Variants in KIF5A observed in about 807,000 individuals in gnomAD.
KIF5A encodes the protein kinesin family member 5A, also known as kinesin heavy chain isoform 5A.
Under a neutral mutation model 141.3 loss-of-function variants are expected in KIF5A, and 35 were observed. The observed-to-expected ratio is 0.25, with a 90% CI of 0.19 to 0.33. The LOEUF (loss-of-function observed/expected upper bound fraction) is 0.33. Ranked by LOEUF, KIF5A falls within the 10% of genes least tolerant of loss-of-function variation. The pLI, the probability that KIF5A is intolerant of heterozygous loss-of-function variation, is 1.00. For missense variants in KIF5A, 861 were observed against 1,314.3 expected, an observed-to-expected ratio of 0.66 and a Z score of 5.33; for synonymous variants, 448 against 500.2, an observed-to-expected ratio of 0.90 and a Z score of 1.39.
chr12:57,575,585 C>G, intron 16 of KIF5A, 55 bp from the exon 17 acceptor site: 1 of 1,420,696 alleles, frequency 7.0e-7, no homozygotes, highest in Non-Finnish European at 1.0e-6. Context: ...TCTGTGTGGC[C>G]TGGGTTTGTG....
intron 23 of KIF5A, among the ~76,000 whole-genome samples, chr12:57,579,204 A>G (rs1048768282): frequency 6.6e-6 from 1 of 152,012 alleles, no homozygotes; most frequent in African/African-American, 2.4e-5. Context: ...CTGGGTTTCA[A>G]AGGTATGGGC....
In KIF5A at chr12:57,550,283, C is replaced by A; in HGVS notation, c.12C>A (p.Thr4=). 1 of 1,614,146 alleles carries A rather than the reference C, an allele frequency of 6.2e-7. No individual in the cohort carries two copies. The highest frequency in any genetic ancestry group is 8.5e-7 in the Non-Finnish European group (1 of 1,180,020). The change falls in exon 1 of 29, where the codon ACC becomes ACA. Residue 4 remains threonine (T), a synonymous_variant. Transcript: ENST00000455537. This position sits in a 1 kb window ranked among gnomAD's most constrained non-coding sequence, Gnocchi z 4.6. ...CGCCGGCTACCACCATGGCGGAGACCAACAACGAATGTAGCATCAAGGTGC... is the reference window on the plus strand; with the variant it reads ...CGCCGGCTACCACCATGGCGGAGACAAACAACGAATGTAGCATCAAGGTGC... MAE[T]NNECSIKVLC...
rs768405865 is a variant in KIF5A, at chr12:57,563,607, C to CT, written c.218-12dup. Reference sequence around the variant, plus strand: ...TATCTCCACCAGTACTCTTTCTCTACTGTCTCTTCCAGATGTCCTTGCTGG... The same window carrying CT: ...TATCTCCACCAGTACTCTTTCTCTACTTGTCTCTTCCAGATGTCCTTGCTGG... On this transcript the variant is annotated splice_polypyrimidine_tract_variant and intron_variant, in intron 2 of 28. Coordinates refer to ENST00000455537, the MANE Select transcript of KIF5A (RefSeq NM_004984.4). 6.2e-7 allele frequency: 1 copy of CT among 1,613,938 alleles called. No individual in the cohort carries two copies. The highest frequency in any genetic ancestry group is 8.5e-7 in the Non-Finnish European group (1 of 1,179,754).
At position 57,581,834 on chromosome 12, in the gene KIF5A, G is replaced by A. The variant is rs367997523; in HGVS notation, c.2910-36G>A. On this transcript the variant is annotated intron_variant, in intron 25 of 28. Transcript: ENST00000455537. The stretch of plus-strand genomic sequence containing the variant: ...TGGTCCTCAGACTAGTGGAGGGTGG[G>A]TGTCAGAGGCTGCCTCTTTCCTCTG... 1.1e-4 allele frequency: 171 copies of A among 1,568,368 alleles called. 2 individuals carry two copies. The East Asian group carries it at 3.5e-3, about 32-fold the overall frequency.
rs2140158822 is a variant in KIF5A at position 57,563,601 on chromosome 12, T to C, written c.218-19T>C. 6.2e-7 allele frequency: 1 copy of C among 1,613,724 alleles called. No individual in the cohort carries two copies. The highest frequency in any genetic ancestry group is 8.5e-7 in the Non-Finnish European group (1 of 1,179,588). ...CCGACCTATCTCCACCAGTACTCTTTCTCTACTGTCTCTTCCAGATGTCCT... is the reference window on the plus strand; with the variant it reads ...CCGACCTATCTCCACCAGTACTCTTCCTCTACTGTCTCTTCCAGATGTCCT... On this transcript the variant is annotated intron_variant, in intron 2 of 28. Transcript: ENST00000455537.
intron 1 of KIF5A, among the ~76,000 whole-genome samples, chr12:57,555,682 G>A (rs1000426355): frequency 7.9e-5 from 12 of 151,934 alleles, no homozygotes; most frequent in Admixed American, 4.6e-4. Flanking sequence ...AGACAGAGGC[G>A]GGTGGATAAC....
At position 57,582,170 on chromosome 12, in the gene KIF5A, G is replaced by C. The variant is rs10783834; in HGVS notation, c.2992+218G>C. 0.29 allele frequency among the ~76,000 whole-genome samples: 44,172 copies of C among 152,050 alleles called. 6,979 individuals are homozygous for C. Among genetic ancestry groups the C allele is most frequent in the East Asian group, 0.61 (3,153 of 5,168 alleles). ...GAGATAGGAGGATTGCTTGAGCTCA[G>C]GAGCTTAAGGCTGAAGTGCACTGTG... On this transcript the variant is annotated intron_variant, in intron 26 of 28. Coordinates refer to ENST00000455537, the MANE Select transcript of KIF5A (RefSeq NM_004984.4).
chr12:57,581,048 T>C lies in KIF5A; in HGVS notation c.2631T>C (p.Gly877=), dbSNP rs770594612. ...ATAERVKALE[G]ALKEAKEGAM... is the part of the protein sequence containing the mutation. ...CTGAGAGAGTTAAGGCCCTGGAGGG[T>C]GCACTGAAGGAGGCCAAGGAGGGCG... Residue 877 remains glycine (G), a synonymous_variant, in exon 24 of 29, where the codon GGT becomes GGC. Transcript: ENST00000455537. 14 of 1,613,720 alleles carry C rather than the reference T, an allele frequency of 8.7e-6. No individual in the cohort carries two copies. The highest frequency in any genetic ancestry group is 1.1e-5 in the Non-Finnish European group (13 of 1,179,974).
At position 57,572,634 on chromosome 12, in the gene KIF5A, C is replaced by A; in HGVS notation, c.1624C>A (p.His542Asn). The A allele has an allele frequency of 6.2e-7, 1 of 1,614,234 alleles. No homozygotes were observed. The highest frequency in any genetic ancestry group is 2.2e-5 in the East Asian group (1 of 44,888). ...GCAGCGGCTACAGGAGGTCAGTGGA[C>A]ACCAGCGAAAACGAATTGCTGAGGT... ...ELQRLQEVSG[H>N]QRKRIAEVLN... is the part of the protein sequence containing the mutation. The change falls in exon 15 of 29, where the codon CAC (histidine) becomes AAC (asparagine). Residue 542 changes from histidine to asparagine, a missense_variant. His to Asn is a moderately conservative substitution (Grantham distance 68). This residue lies in a region of KIF5A where 482 missense variants were observed against 661.3 expected (regional missense o/e 0.73). Coordinates refer to ENST00000455537, the MANE Select transcript of KIF5A (RefSeq NM_004984.4). The surrounding 1 kb of genome is among the most constrained non-coding windows in gnomAD (Gnocchi z 4.2).
At chr12:57,576,907 C>G (rs1882445277) in intron 20 of KIF5A, 45 bp downstream of exon 20, 2 of 1,423,714 alleles carry the variant, frequency 1.4e-6, no homozygotes, top group Non-Finnish European at 2.0e-6. Context: ...CTTGTAGGCT[C>G]AGAACTGTGA....
intron 24 of KIF5A, 102 bp downstream of exon 24, chr12:57,581,274 G>C (rs1312296234): frequency 6.7e-7 from 1 of 1,496,364 alleles, no homozygotes; most frequent in Non-Finnish European, 9.2e-7. Flanking sequence ...CCTACCCCTA[G>C]CCTCATCCCA....
intron 6 of KIF5A, 24 bp downstream of exon 6, chr12:57,564,997 A>T: frequency 6.2e-7 from 1 of 1,607,694 alleles, no homozygotes; most frequent in South Asian, 1.1e-5. Context: ...TGGGGCACCT[A>T]TGTGGGGCCA....
At position 57,572,464 on chromosome 12, in the gene KIF5A, C is replaced by A; in HGVS notation, c.1570-116C>A. The A allele has an allele frequency of 7.1e-7, 1 of 1,405,550 alleles. No individual in the cohort carries two copies. The allele number at this position is 1,405,550 out of a possible 1,614,324, so 87.1% of individuals were successfully genotyped here. ...CTGTCTTTCAGACTCTTCTGCAGGG[C>A]CTGTGTTCTCTTCATAGCAGCCCTC... On this transcript the variant is annotated intron_variant, in intron 14 of 28. Coordinates refer to ENST00000455537, the MANE Select transcript of KIF5A (RefSeq NM_004984.4). The surrounding 1 kb of genome is among the most constrained non-coding windows in gnomAD (Gnocchi z 4.2).
rs1882421501 is a variant in KIF5A, at chr12:57,576,275, C to G, written c.2095C>G (p.Leu699Val). Residue 699 changes from leucine (L) to valine (V), a missense_variant, in exon 19 of 29, where the codon CTG (leucine) becomes GTG (valine). Physicochemically the swap from Leu to Val is conservative, Grantham distance 32. This residue lies in a region of KIF5A where 482 missense variants were observed against 661.3 expected (regional missense o/e 0.73). Transcript: ENST00000455537. ...GGGGTGGGGTTGTTTGCAGAAGGCT[C>G]TGGAGCTGCAGATGGAGAGTCACCG... The part of the protein sequence containing the change: ...TQDADEVKKA[L>V]ELQMESHREA... 6.2e-7 allele frequency: 1 copy of G among 1,613,952 alleles called. No homozygotes were observed. The highest frequency in any genetic ancestry group is 1.7e-5 in the Admixed American group (1 of 60,004).
At chr12:57,569,470 C>G (rs528085501) in intron 10 of KIF5A, 65 bp from the exon 11 acceptor site, 3 of 1,613,520 alleles carry the variant, frequency 1.9e-6, no homozygotes, top group Non-Finnish European at 2.5e-6. Context: ...CTGCGGCTCT[C>G]TCTCCTCAGG....
chr12:57,550,069 C>T lies in KIF5A; in HGVS notation c.-203C>T, dbSNP rs933328210. On this transcript the variant is annotated 5_prime_UTR_variant, in exon 1 of 29. Coordinates refer to ENST00000455537, the MANE Select transcript of KIF5A (RefSeq NM_004984.4). This position sits in a 1 kb window ranked among gnomAD's most constrained non-coding sequence, Gnocchi z 4.6. ...AGAGAGCCCGAAAGGACCAGACGCC[C>T]AGGTCGCCCGCATCCCGCTGCCGCA... The T allele has an allele frequency of 8.0e-6, 5 of 622,214 alleles. No individual in the cohort carries two copies. The highest frequency in any genetic ancestry group is 2.9e-5 in the East Asian group (1 of 34,940). The allele number at this position is 622,214 out of a possible 1,614,324, so 38.5% of individuals were successfully genotyped here. A position where few individuals can be genotyped will look rare whatever the true frequency, so the allele number is the denominator to read the frequency against.
intron 26 of KIF5A, 64 bp downstream of exon 26, chr12:57,582,016 G>T (rs774810926): frequency 7.6e-7 from 1 of 1,313,442 alleles, no homozygotes; most frequent in Non-Finnish European, 1.1e-6. Flanking sequence ...AGGCATAAAA[G>T]TAAGTGACCT....
intron 2 of KIF5A, 40 bp from the exon 3 acceptor site, chr12:57,563,580 C>A: frequency 6.2e-7 from 1 of 1,609,168 alleles, no homozygotes. Flanking sequence ...TCCTACCCGA[C>A]CTATCTCCAC....
chr12:57,562,565 C>T (rs532574689), intron 1 of KIF5A, among the ~76,000 whole-genome samples: 1 of 152,318 alleles, frequency 6.6e-6, no homozygotes, highest in South Asian at 2.1e-4. Flanking sequence ...GGGAGACCCA[C>T]ATATCTGATT....
Sources: allele counts gnomAD v4.1 joint callset (sites outside exome capture counted in the v4.1 genomes callset), GRCh38; gene constraint gnomAD v4.1.1; regional missense constraint gnomAD v4.1.1; non-coding constraint Gnocchi (gnomAD v3.1); transcripts MANE v1.5; gene names NCBI Gene and HGNC (gene_info 2026-07-23, HGNC 2026-07-21).